The following RAB36 variants were observed in gnomAD, a reference collection of about 807,000 sequenced individuals.
RAB36 encodes the protein RAB36, member RAS oncogene family, also known as ras-related protein Rab-36.
Under a neutral mutation model 39.3 loss-of-function variants are expected in RAB36, and 33 were observed. That is an observed-to-expected ratio of 0.84 (90% CI 0.64 to 1.12). The LOEUF is 1.12. RAB36 is among the 50% of genes most tolerant of loss of function. The pLI is 0.00. For synonymous variants in RAB36, 133 were observed against 140.2 expected, an observed-to-expected ratio of 0.95 and a Z score of 0.36; for missense variants, 308 against 355.3, an observed-to-expected ratio of 0.87 and a Z score of 1.07.
chr22:23,145,765 G>A (rs2070732718), intron 1 of RAB36, among the ~76,000 whole-genome samples: 1 of 152,272 alleles, frequency 6.6e-6, no homozygotes, highest in Non-Finnish European at 1.5e-5. Flanking sequence ...GTCAGATGCG[G>A]GAAGACAACC....
At chr22:23,151,789 G>A (rs1217907075) in intron 3 of RAB36, among the ~76,000 whole-genome samples, 3 of 152,136 alleles carry the variant, frequency 2.0e-5, no homozygotes, top group African/African-American at 7.2e-5. Flanking sequence ...TGAGGGTGGC[G>A]GCTGCTCTTG....
At chr22:23,169,036 G>C (rs2072095215), downstream of RAB36, among the ~76,000 whole-genome samples, 1 of 152,202 alleles carries the variant, frequency 6.6e-6, no homozygotes, top group East Asian at 1.9e-4. Flanking sequence ...GCTGCCAATG[G>C]TGGCCAGGAG....
intron 2 of RAB36, among the ~76,000 whole-genome samples, chr22:23,149,085 G>GTA (rs1460095523): frequency 6.6e-6 from 1 of 152,138 alleles, no homozygotes; most frequent in African/African-American, 2.4e-5. Flanking sequence ...TGAGAGGGCA[G>GTA]ATGGGCCAGG....
At chr22:23,145,661 C>T (rs904664973) in intron 1 of RAB36, 110 bp downstream of exon 1, 1 of 1,276,902 alleles carries the variant, frequency 7.8e-7, no homozygotes, top group Non-Finnish European at 1.1e-6. Context: ...CTTCCCGCCC[C>T]TATAACTTGA....
intron 1 of RAB36, chr22:23,145,919 T>G: frequency 1.1e-6 from 1 of 949,140 alleles, no homozygotes; most frequent in Non-Finnish European, 1.3e-6. Context: ...GGCTGAAAGT[T>G]AAGGCCCCCA....
At position 23,164,856 on chromosome 22, in the gene RAB36, G is replaced by C. The variant is rs1207977725; in HGVS notation, c.*3292G>C. On this transcript the variant is annotated 3_prime_UTR_variant, in exon 11 of 11. Coordinates refer to ENST00000263116, the MANE Select transcript of RAB36 (RefSeq NM_004914.5). The stretch of plus-strand genomic sequence containing the variant: ...CCTGGCTCCCCAGGGCTAGGTCCCA[G>C]GGTGCTCTCGCTCTGGCTTTCGAGG... Among the ~76,000 whole-genome samples, 4 of 152,082 alleles carry C rather than the reference G, an allele frequency of 2.6e-5. No homozygotes were observed. Among genetic ancestry groups the C allele is most frequent in the African/African-American group, 9.7e-5 (4 of 41,402 alleles).
At chr22:23,157,270 A>G (rs1168625251) in intron 6 of RAB36, among the ~76,000 whole-genome samples, 1 of 139,876 alleles carries the variant, frequency 7.1e-6, no homozygotes, top group African/African-American at 2.7e-5. Flanking sequence ...TTTTTTTTTG[A>G]GCCTGAGTCT....
intron 2 of RAB36, among the ~76,000 whole-genome samples, chr22:23,147,680 G>T (rs1008757084): frequency 6.6e-6 from 1 of 152,166 alleles, no homozygotes; most frequent in African/African-American, 2.4e-5. Context: ...TCTGGCATGG[G>T]TTTACAATGT....
intron 5 of RAB36, among the ~76,000 whole-genome samples, chr22:23,155,342 C>G (rs1357157267): frequency 2.0e-5 from 3 of 152,198 alleles, no homozygotes; most frequent in African/African-American, 4.8e-5. Context: ...TAGACTGTGC[C>G]CATGGCAGAC....
At chr22:23,156,284 C>T (rs1365873896) in intron 6 of RAB36, 1 of 425,902 alleles carries the variant, frequency 2.3e-6, no homozygotes, top group African/African-American at 2.1e-5. Context: ...GCCCCAGTTT[C>T]AGCTCATAAA....
chr22:23,159,091 C>A lies in RAB36; in HGVS notation c.529-72C>A. The A allele has an allele frequency of 3.8e-6, 6 of 1,582,882 alleles. No homozygotes were observed. In the Admixed American group the frequency reaches 8.6e-5, roughly 23 times the overall value. Reference sequence around the variant, plus strand: ...GGGAGGCAGCACAGTGGGAAGCAGGCAGCTGCCTATCCCCCTGGGCCTCCC... The same window carrying A: ...GGGAGGCAGCACAGTGGGAAGCAGGAAGCTGCCTATCCCCCTGGGCCTCCC... On this transcript the variant is annotated intron_variant, in intron 8 of 10. Transcript: ENST00000263116.
rs567231567 is a variant in RAB36, at chr22:23,162,823, G to A, written c.*1259G>A. ...CTGCCCTGTAAATGTTCAGCTCAGC[G>A]ATTGCCAAATACCAGTTAGGGAAGA... On this transcript the variant is annotated 3_prime_UTR_variant, in exon 11 of 11. Coordinates refer to ENST00000263116, the MANE Select transcript of RAB36 (RefSeq NM_004914.5). The A allele has an allele frequency of 4.5e-5, 20 of 442,946 alleles. No individual in the cohort carries two copies. The highest frequency in any genetic ancestry group is 2.2e-4 in the South Asian group (14 of 64,042). 27.4% of individuals were successfully genotyped at this position (442,946 alleles called of 1,614,324 possible).
Position 23,162,495 on chromosome 22 carries a change from T to C in RAB36, c.*931T>C, listed in dbSNP as rs903720705. On this transcript the variant is annotated 3_prime_UTR_variant, in exon 11 of 11. Coordinates refer to ENST00000263116, the MANE Select transcript of RAB36 (RefSeq NM_004914.5). ...ATCTCTTAGGACCTTTGTAATGGTGTCCATGCACCTTTAGAGGACTTCAGA... is the reference window on the plus strand; with the variant it reads ...ATCTCTTAGGACCTTTGTAATGGTGCCCATGCACCTTTAGAGGACTTCAGA... 2 of 393,132 alleles carry C rather than the reference T, an allele frequency of 5.1e-6. No homozygotes were observed. Among genetic ancestry groups the C allele is most frequent in the African/African-American group, 4.1e-5 (2 of 48,600 alleles). The allele number at this position is 393,132 out of a possible 1,614,324, so 24.4% of individuals were successfully genotyped here. A position where few individuals can be genotyped will look rare whatever the true frequency, so the allele number is the denominator to read the frequency against.
Position 23,161,009 on chromosome 22 carries a change from G to C in RAB36, c.739+11G>C. The C allele has an allele frequency of 6.3e-7, 1 of 1,594,606 alleles. No homozygotes were observed. The highest frequency in any genetic ancestry group is 8.6e-7 in the Non-Finnish European group (1 of 1,165,638). ...ATGGAGACCTAATCCGTGAGTATAG[G>C]TGTGACTGGGTTGGGCTGGGGAGTA... On this transcript the variant is annotated intron_variant, in intron 10 of 10. Transcript: ENST00000263116.
downstream of RAB36, among the ~76,000 whole-genome samples, chr22:23,169,259 A>C (rs2072098018): frequency 6.6e-6 from 1 of 152,186 alleles, no homozygotes; most frequent in Non-Finnish European, 1.5e-5. Flanking sequence ...GGGGGCAGGA[A>C]TAAAGGACAG....
Position 23,165,036 on chromosome 22 carries a change from C to G in RAB36, c.*3472C>G, listed in dbSNP as rs901545158. On this transcript the variant is annotated 3_prime_UTR_variant, in exon 11 of 11. Transcript: ENST00000263116. Reference sequence around the variant, plus strand: ...GAGGCCTCTGTGGACACCCCCACAGCTCTCGCAGCACTTGATACCTTGAGT... The same window carrying G: ...GAGGCCTCTGTGGACACCCCCACAGGTCTCGCAGCACTTGATACCTTGAGT... 1.1e-4 allele frequency among the ~76,000 whole-genome samples: 16 copies of G among 152,166 alleles called. No individual in the cohort carries two copies. The highest frequency in any genetic ancestry group is 3.9e-4 in the African/African-American group (16 of 41,436).
chr22:23,153,280 C>T (rs992213037), intron 5 of RAB36, 146 bp downstream of exon 5: 6 of 682,546 alleles, frequency 8.8e-6, no homozygotes, highest in Non-Finnish European at 1.5e-5. Flanking sequence ...ACTTAGCTTC[C>T]TGGCTCCCAG....
At position 23,146,625 on chromosome 22, in the gene RAB36, C is replaced by T; in HGVS notation, c.9C>T (p.Ser3=). 1 of 1,614,116 alleles carries T rather than the reference C, an allele frequency of 6.2e-7. No homozygotes were observed. The highest frequency in any genetic ancestry group is 8.5e-7 in the Non-Finnish European group (1 of 1,179,968). ...CACAGGACTGTGGAAGAATGAGGTCCTCCCTGACACCTTTGGGGCCCCCTG... is the reference window on the plus strand; with the variant it reads ...CACAGGACTGTGGAAGAATGAGGTCTTCCCTGACACCTTTGGGGCCCCCTG... MR[S]SLTPLGPPVS... Residue 3 remains serine, a synonymous_variant, in exon 2 of 11, where the codon TCC becomes TCT. Transcript: ENST00000263116.
chr22:23,156,221 G>C, intron 6 of RAB36, 189 bp downstream of exon 6: 3 of 561,236 alleles, frequency 5.3e-6, no homozygotes, highest in Non-Finnish European at 6.5e-6. Context: ...GCTGACTTTG[G>C]CGATCACACC....
Sources: gnomAD v4.1 joint callset for allele counts (sites outside exome capture counted in the v4.1 genomes callset) on GRCh38, gnomAD v4.1.1 for gene constraint, MANE v1.5 for transcripts, NCBI Gene and HGNC (gene_info 2026-07-23, HGNC 2026-07-21) for gene names.